The following NFX1 variants were observed in gnomAD, a reference collection of about 807,000 sequenced individuals.
The protein encoded by NFX1 is transcriptional repressor NF-X1.
In NFX1, 69 loss-of-function variants were observed where a neutral mutation model predicts 137.2. The observed-to-expected ratio is 0.50, with a 90% CI of 0.41 to 0.61. The LOEUF (loss-of-function observed/expected upper bound fraction) is 0.61. Among genes scored for constraint, NFX1 ranks in the 20% least tolerant of loss-of-function variants. The probability of loss-of-function intolerance (pLI) is 0.00; values close to 1 mark genes in which losing one functional copy is unlikely to be tolerated. For synonymous variants in NFX1, 495 were observed against 474.1 expected (o/e 1.04, Z -0.57); for missense variants, 1,167 against 1,391.0 (o/e 0.84, Z 2.56).
At chr9:33,318,510 A>G (rs1822258604) in intron 7 of NFX1, among the ~76,000 whole-genome samples, 1 of 152,126 alleles carries the variant, frequency 6.6e-6, no homozygotes, top group Non-Finnish European at 1.5e-5. Context: ...AGGCTTTTTT[A>G]ATTTCTTCCT....
chr9:33,344,711 C>CA (rs1823349941), intron 14 of NFX1, among the ~76,000 whole-genome samples: 1 of 151,736 alleles, frequency 6.6e-6, no homozygotes, highest in South Asian at 2.1e-4. Context: ...ACTAAAAATA[C>CA]AAAAATTAGC....
chr9:33,320,455 A>G (rs1342453094), intron 9 of NFX1, among the ~76,000 whole-genome samples: 1 of 152,166 alleles, frequency 6.6e-6, no homozygotes. Context: ...AGCAGTTTGA[A>G]TTGTTGTATC....
chr9:33,334,261 C>A (rs1423444503), intron 11 of NFX1, among the ~76,000 whole-genome samples: 2 of 152,190 alleles, frequency 1.3e-5, no homozygotes, highest in Admixed American at 1.3e-4. Flanking sequence ...TCAAGACCAG[C>A]CTGGGCAACA....
chr9:33,307,599 C>G (rs955269322), intron 5 of NFX1, among the ~76,000 whole-genome samples: 1 of 152,160 alleles, frequency 6.6e-6, no homozygotes, highest in Non-Finnish European at 1.5e-5. Flanking sequence ...GTTTCCAAAG[C>G]CAGTGCTGCT....
intron 9 of NFX1, among the ~76,000 whole-genome samples, chr9:33,321,771 TGG>T (rs1369767157): frequency 6.6e-6 from 1 of 150,892 alleles, no homozygotes; most frequent in African/African-American, 2.4e-5. Flanking sequence ...CCCAGCTACT[TGG>T]GAGGCTGAGG....
chr9:33,354,853 T>TGGAGTGTGATGA lies in NFX1; in HGVS notation c.2842_2853dup (p.Asp948_Cys951dup). 3 of 1,613,794 alleles carry TGGAGTGTGATGA rather than the reference T, an allele frequency of 1.9e-6. No homozygotes were observed. The highest frequency in any genetic ancestry group is 1.7e-6 in the Non-Finnish European group (2 of 1,179,856). On this transcript the variant is annotated inframe_insertion, in exon 19 of 24. Transcript: ENST00000379540. ...TTTTTTTTCATTTGCTTATCAAGGCTGGAGTGTGATGAGGAGTGTTCAGCC... is the reference window on the plus strand; with the variant it reads ...TTTTTTTTCATTTGCTTATCAAGGCTGGAGTGTGATGAGGAGTGTGATGAGGAGTGTTCAGCC...
chr9:33,345,663 T>TC (rs371736743), intron 14 of NFX1, among the ~76,000 whole-genome samples: 1,584 of 152,298 alleles, frequency 0.01, 31 homozygotes, highest in African/African-American at 0.036. Flanking sequence ...TAGCTTTTTT[T>TC]CCCACTCTTA....
chr9:33,294,977 C>T lies in NFX1; in HGVS notation c.583C>T (p.Arg195Ter), dbSNP rs745893542. 2.5e-6 allele frequency: 4 copies of T among 1,614,074 alleles called. No homozygotes were observed. The highest frequency in any genetic ancestry group is 1.7e-5 in the Admixed American group (1 of 60,016). The change falls in exon 2 of 24, where the codon CGA becomes TGA. Residue 195 changes from arginine (R) to a stop codon, truncating the protein, a stop_gained. Transcript: ENST00000379540. LOFTEE classifies it high-confidence loss of function. ...KGKLKCEWSN[R>*]TTPKPEDAGP... ...GAAACTCAAATGTGAATGGAGTAAC[C>T]GAACAACTCCAAAACCGGAGGATGC...
chr9:33,321,088 T>A (rs1372783224), intron 9 of NFX1, among the ~76,000 whole-genome samples: 1 of 152,168 alleles, frequency 6.6e-6, no homozygotes, highest in Non-Finnish European at 1.5e-5. Flanking sequence ...GGAAAGCACA[T>A]GAGTCAGTTT....
chr9:33,341,793 A>T (rs150094037), intron 12 of NFX1, among the ~76,000 whole-genome samples: 2 of 151,636 alleles, frequency 1.3e-5, no homozygotes, highest in Non-Finnish European at 2.9e-5. Flanking sequence ...AGCCAGTTTC[A>T]TAACCCGGTC....
intron 9 of NFX1, among the ~76,000 whole-genome samples, chr9:33,326,075 A>C (rs1370929466): frequency 1.3e-5 from 2 of 152,196 alleles, no homozygotes; most frequent in African/African-American, 4.8e-5. Context: ...ATCACAACTC[A>C]AACCTACAGG....
At position 33,296,233 on chromosome 9, in the gene NFX1, A is replaced by G. The variant is rs1821351316; in HGVS notation, c.1033+806A>G. On this transcript the variant is annotated intron_variant, in intron 2 of 23. Transcript: ENST00000379540. ...CCACTGCGCCCTGCCTAAAACACACATTAAACTGTGTCACTCCTCTGCTTA... is the reference window on the plus strand; with the variant it reads ...CCACTGCGCCCTGCCTAAAACACACGTTAAACTGTGTCACTCCTCTGCTTA... 2.0e-5 allele frequency among the ~76,000 whole-genome samples: 3 copies of G among 152,200 alleles called. No homozygotes were observed. In the South Asian group the frequency reaches 6.2e-4, roughly 32 times the overall value.
intron 5 of NFX1, among the ~76,000 whole-genome samples, chr9:33,309,070 A>G (rs1365765422): frequency 6.6e-6 from 1 of 152,174 alleles, no homozygotes; most frequent in East Asian, 1.9e-4. Flanking sequence ...ATAAGAAGTT[A>G]ATCCTGGCTG....
intron 1 of NFX1, 89 bp from the exon 2 acceptor site, chr9:33,294,331 A>G: frequency 8.1e-7 from 1 of 1,229,698 alleles, no homozygotes; most frequent in Admixed American, 2.3e-5. Context: ...AGTTCTAAGG[A>G]AAGTAATTTT....
intron 23 of NFX1, among the ~76,000 whole-genome samples, chr9:33,369,175 C>T (rs930353143): frequency 5.3e-5 from 8 of 152,130 alleles, no homozygotes; most frequent in Non-Finnish European, 1.0e-4. Context: ...ATGCCATTCT[C>T]CTGCCTCAGC....
intron 15 of NFX1, among the ~76,000 whole-genome samples, chr9:33,350,981 T>A (rs1284091425): frequency 1.3e-5 from 2 of 152,072 alleles, no homozygotes. Context: ...AAACCCCAAC[T>A]AAAAATACAA....
At chr9:33,291,411 T>A (rs1048637136) in intron 1 of NFX1, among the ~76,000 whole-genome samples, 3 of 152,208 alleles carry the variant, frequency 2.0e-5, no homozygotes, top group Non-Finnish European at 2.9e-5. Flanking sequence ...CGTTTAAAAA[T>A]ATGTCACAGC....
intron 2 of NFX1, among the ~76,000 whole-genome samples, chr9:33,299,997 C>A (rs185449474): frequency 1.3e-5 from 2 of 151,066 alleles, no homozygotes; most frequent in Non-Finnish European, 2.9e-5. Flanking sequence ...AGTTGTGTGA[C>A]CTTGGATAAA....
chr9:33,336,372 C>T lies in NFX1; in HGVS notation c.2036-2138C>T, dbSNP rs533414802. The stretch of plus-strand genomic sequence containing the variant: ...CTGGGATTACAGGTGCCCGCCACCG[C>T]GCCCGGCTAATTTTTGTATTTTTAG... On this transcript the variant is annotated intron_variant, in intron 11 of 23. Transcript: ENST00000379540. 4.9e-4 allele frequency among the ~76,000 whole-genome samples: 74 copies of T among 152,208 alleles called. No individual in the cohort carries two copies. In the East Asian group the frequency reaches 7.0e-3, roughly 14 times the overall value.
Sources: gnomAD v4.1 joint callset for allele counts (sites outside exome capture counted in the v4.1 genomes callset) on GRCh38, gnomAD v4.1.1 for gene constraint, MANE v1.5 for transcripts, NCBI Gene and HGNC (gene_info 2026-07-23, HGNC 2026-07-21) for gene names.